ADAMTS6: variants seen among roughly 807,000 people sequenced by gnomAD.
ADAMTS6 encodes A disintegrin and metalloproteinase with thrombospondin motifs 6.
Under a neutral mutation model 144.3 loss-of-function variants are expected in ADAMTS6, and 23 were observed. The ratio of observed to expected loss-of-function variants is 0.16; its 90% CI spans 0.11 to 0.23. ADAMTS6 has a LOEUF of 0.23. ADAMTS6 is among the 10% of genes least tolerant of loss of function. ADAMTS6 has a pLI of 1.00. For synonymous variants in ADAMTS6, 444 were observed against 457.5 expected, an observed-to-expected ratio of 0.97 and a Z score of 0.38; for missense variants, 999 against 1,379.6, an observed-to-expected ratio of 0.72 and a Z score of 4.37.
chr5:65,312,835 T>C (rs557140830), intron 9 of ADAMTS6, among the ~76,000 whole-genome samples: 99 of 152,116 alleles, frequency 6.5e-4, no homozygotes, highest in African/African-American at 2.3e-3. Flanking sequence ...AGAGATATAC[T>C]AACATGTTGG....
chr5:65,306,107 CT>C (rs1743915497), intron 9 of ADAMTS6, among the ~76,000 whole-genome samples: 1 of 152,172 alleles, frequency 6.6e-6, no homozygotes, highest in African/African-American at 2.4e-5. Flanking sequence ...TTGTGTCACC[CT>C]TGTGGAATTT....
intron 7 of ADAMTS6, among the ~76,000 whole-genome samples, chr5:65,364,836 G>T (rs980950943): frequency 6.6e-6 from 1 of 152,026 alleles, no homozygotes; most frequent in African/African-American, 2.4e-5. Context: ...AAAGTGCTGG[G>T]ATTACAGGCT....
At chr5:65,331,985 AAATT>A (rs1482610814) in intron 8 of ADAMTS6, among the ~76,000 whole-genome samples, 1 of 151,872 alleles carries the variant, frequency 6.6e-6, no homozygotes, top group Non-Finnish European at 1.5e-5. Flanking sequence ...CTGATTCTAT[AAATT>A]AATAAACTAT....
intron 12 of ADAMTS6, among the ~76,000 whole-genome samples, chr5:65,272,257 G>A (rs1232585704): frequency 6.6e-6 from 1 of 152,192 alleles, no homozygotes; most frequent in African/African-American, 2.4e-5. Flanking sequence ...TCAGTCTATA[G>A]AAATAAATTC....
chr5:65,234,320 G>A (rs1758501544), intron 15 of ADAMTS6, among the ~76,000 whole-genome samples: 1 of 150,132 alleles, frequency 6.7e-6, no homozygotes, highest in African/African-American at 2.5e-5. Flanking sequence ...GACAGCAAAG[G>A]AAACAATCAA....
intron 20 of ADAMTS6, among the ~76,000 whole-genome samples, chr5:65,212,234 C>T (rs1171775012): frequency 6.6e-6 from 1 of 152,112 alleles, no homozygotes; most frequent in African/African-American, 2.4e-5. Flanking sequence ...CAGCTCTTTA[C>T]ACCATGCCCT....
At chr5:65,443,047 T>C (rs946390024) in intron 7 of ADAMTS6, among the ~76,000 whole-genome samples, 1 of 152,226 alleles carries the variant, frequency 6.6e-6, no homozygotes, top group Non-Finnish European at 1.5e-5. Context: ...CCATGGTGTA[T>C]AGGTACCACA....
intron 9 of ADAMTS6, among the ~76,000 whole-genome samples, chr5:65,304,915 GA>G (rs904776147): frequency 4.0e-5 from 6 of 151,566 alleles, no homozygotes; most frequent in East Asian, 1.9e-4. Flanking sequence ...GGATTAGGGA[GA>G]AAAAAAATGC....
chr5:65,470,694 T>TA (rs1561573803), intron 3 of ADAMTS6, 84 bp downstream of exon 3: 33 of 885,332 alleles, frequency 3.7e-5, no homozygotes, highest in African/African-American at 3.5e-4. Flanking sequence ...ATATATATAT[T>TA]TTTTTTTTAA....
chr5:65,348,176 A>G (rs539383164), intron 7 of ADAMTS6, among the ~76,000 whole-genome samples: 2 of 152,094 alleles, frequency 1.3e-5, no homozygotes, highest in Non-Finnish European at 2.9e-5. Flanking sequence ...GTACATATCC[A>G]AAGTCAGTAT....
intron 12 of ADAMTS6, among the ~76,000 whole-genome samples, chr5:65,267,375 C>A (rs1196845071): frequency 6.6e-6 from 1 of 151,966 alleles, no homozygotes; most frequent in African/African-American, 2.4e-5. Flanking sequence ...GTATGTTTAA[C>A]CACATTCATA....
chr5:65,387,887 T>C lies in ADAMTS6; in HGVS notation c.1074-53802A>G, dbSNP rs114079858. On this transcript the variant is annotated intron_variant, in intron 7 of 24. Transcript: ENST00000381055. ...TGCCTTAGAATACCTATATAAGGTA[T>C]GAGACTAAAGTAAATAAACAAATAA... 5.9e-3 allele frequency among the ~76,000 whole-genome samples: 892 copies of C among 152,258 alleles called. 12 individuals are homozygous for C. Among genetic ancestry groups the C allele is most frequent in the African/African-American group, 0.021 (857 of 41,538 alleles).
At chr5:65,359,352 A>C (rs765176478) in intron 7 of ADAMTS6, among the ~76,000 whole-genome samples, 1 of 152,214 alleles carries the variant, frequency 6.6e-6, no homozygotes, top group African/African-American at 2.4e-5. Context: ...TTAAAACCAC[A>C]ATGAGAAATC....
chr5:65,286,659 C>A (rs943433601), intron 11 of ADAMTS6, among the ~76,000 whole-genome samples: 1 of 152,096 alleles, frequency 6.6e-6, no homozygotes, highest in Admixed American at 6.5e-5. Flanking sequence ...ATATTGTTAA[C>A]CTATACTGAA....
intron 7 of ADAMTS6, among the ~76,000 whole-genome samples, chr5:65,343,474 G>A (rs1419093027): frequency 2.0e-5 from 3 of 151,894 alleles, no homozygotes; most frequent in Non-Finnish European, 2.9e-5. Context: ...ATGGTGCTGG[G>A]GAAACCAGAT....
At chr5:65,477,305 CAT>C (rs1760906919) in intron 1 of ADAMTS6, among the ~76,000 whole-genome samples, 1 of 152,130 alleles carries the variant, frequency 6.6e-6, no homozygotes, top group Non-Finnish European at 1.5e-5. Flanking sequence ...CTTTAAAAAA[CAT>C]ATACTTAACA....
chr5:65,450,186 T>C (rs973828773), intron 7 of ADAMTS6, among the ~76,000 whole-genome samples: 4 of 152,180 alleles, frequency 2.6e-5, no homozygotes, highest in African/African-American at 7.2e-5. Flanking sequence ...GTTGCACATT[T>C]TATCAGACTA....
At chr5:65,225,172 G>T in intron 16 of ADAMTS6, 125 bp from the exon 17 acceptor site, 1 of 1,140,782 alleles carries the variant, frequency 8.8e-7, no homozygotes, top group Non-Finnish European at 1.2e-6. Context: ...AAGGTAATCC[G>T]TGAATAAAAA....
intron 7 of ADAMTS6, among the ~76,000 whole-genome samples, chr5:65,342,878 C>T (rs913322311): frequency 4.0e-5 from 6 of 151,776 alleles, no homozygotes; most frequent in African/African-American, 1.2e-4. Context: ...AATTAATGTA[C>T]AAAAATCAGT....
Sources: allele counts gnomAD v4.1 joint callset (sites outside exome capture counted in the v4.1 genomes callset), GRCh38; gene constraint gnomAD v4.1.1; transcripts MANE v1.5; gene names NCBI Gene and HGNC (gene_info 2026-07-23, HGNC 2026-07-21).